The following SND1 variants were observed in gnomAD, a reference collection of about 807,000 sequenced individuals.
SND1 encodes the protein staphylococcal nuclease domain-containing protein 1.
In SND1, 38 loss-of-function variants were observed where a neutral mutation model predicts 121.7. The ratio of observed to expected loss-of-function variants is 0.31; its 90% CI spans 0.24 to 0.41. The LOEUF is 0.41. SND1 is among the 10% of genes least tolerant of loss of function. The pLI, the probability that SND1 is intolerant of heterozygous loss-of-function variation, is 1.00. For missense variants in SND1, 868 were observed against 1,184.6 expected (o/e 0.73, Z 3.92); for synonymous variants, 401 against 447.4 (o/e 0.90, Z 1.31).
At chr7:128,091,605 G>A (rs924854277) in intron 22 of SND1, among the ~76,000 whole-genome samples, 1 of 152,176 alleles carries the variant, frequency 6.6e-6, no homozygotes, top group South Asian at 2.1e-4. Flanking sequence ...CCAGGAGGAC[G>A]TGACCAGAGG....
rs189639788 is a variant in SND1 at position 128,018,553 on chromosome 7, G to A, written c.1779+27497G>A. 1.4e-4 allele frequency among the ~76,000 whole-genome samples: 21 copies of A among 152,326 alleles called. No homozygotes were observed. In the East Asian group the frequency reaches 1.9e-3, roughly 14 times the overall value. ...TCTGGCTGAGGAACATTACCCTGCCGCTCTGGCACTGCCCCAGAGCCAAGC... is the reference window on the plus strand; with the variant it reads ...TCTGGCTGAGGAACATTACCCTGCCACTCTGGCACTGCCCCAGAGCCAAGC... On this transcript the variant is annotated intron_variant, in intron 16 of 23. Transcript: ENST00000354725.
At chr7:127,865,534 A>G (rs1006854807) in intron 12 of SND1, among the ~76,000 whole-genome samples, 2 of 152,174 alleles carry the variant, frequency 1.3e-5, no homozygotes, top group African/African-American at 4.8e-5. Flanking sequence ...CAAACAAAAG[A>G]TTTAATTAAG....
At chr7:127,808,017 C>A (rs937113486) in intron 11 of SND1, among the ~76,000 whole-genome samples, 44 of 152,130 alleles carry the variant, frequency 2.9e-4, no homozygotes, top group African/African-American at 1.0e-3. Flanking sequence ...AAGAGCACGC[C>A]TATTGTAATG....
chr7:128,062,409 A>C (rs1793246355), intron 16 of SND1, among the ~76,000 whole-genome samples: 1 of 152,202 alleles, frequency 6.6e-6, no homozygotes, highest in Non-Finnish European at 1.5e-5. Context: ...AAAAGGAAAG[A>C]GAAGGGGCAA....
At chr7:127,711,626 T>A (rs1796299167) in intron 9 of SND1, among the ~76,000 whole-genome samples, 1 of 152,172 alleles carries the variant, frequency 6.6e-6, no homozygotes, top group Admixed American at 6.5e-5. Context: ...TTAGTTGTTT[T>A]GTTCTGAGAC....
chr7:127,746,504 A>G (rs1179503010), intron 10 of SND1, among the ~76,000 whole-genome samples: 3 of 152,206 alleles, frequency 2.0e-5, no homozygotes, highest in East Asian at 3.9e-4. Context: ...TAAATGAGAA[A>G]TCTTTTAGTA....
rs1289095272 is a variant in SND1 at position 127,759,057 on chromosome 7, AATAGATAGATAG to A, written c.1152+37690_1152+37701del. 1.3e-3 allele frequency among the ~76,000 whole-genome samples: 191 copies of A among 145,506 alleles called. 2 individuals carry two copies. Among genetic ancestry groups the A allele is most frequent in the East Asian group, 7.9e-3 (38 of 4,840 alleles). On this transcript the variant is annotated intron_variant, in intron 10 of 23. Transcript: ENST00000354725. The stretch of plus-strand genomic sequence containing the variant: ...CGACATAGCAAGATGCTGTCTCAAA[AATAGATAGATAG>A]ATAGATAGATAGATAGATAGATAGA...
intron 1 of SND1, among the ~76,000 whole-genome samples, chr7:127,683,832 A>G (rs767595678): frequency 1.8e-4 from 27 of 152,332 alleles, no homozygotes; most frequent in Admixed American, 9.1e-4. Flanking sequence ...GAGCCTGTAG[A>G]GTAAAAATCA....
intron 9 of SND1, among the ~76,000 whole-genome samples, chr7:127,709,511 C>G (rs1469021468): frequency 1.3e-5 from 2 of 152,162 alleles, no homozygotes; most frequent in Admixed American, 6.5e-5. Flanking sequence ...GGGGAGTTAA[C>G]TAAAGCACTG....
intron 1 of SND1, among the ~76,000 whole-genome samples, chr7:127,661,110 A>G (rs1795302153): frequency 6.6e-6 from 1 of 152,072 alleles, no homozygotes; most frequent in Non-Finnish European, 1.5e-5. Context: ...CCAGAATTTT[A>G]TGAGGGGAGG....
intron 16 of SND1, among the ~76,000 whole-genome samples, chr7:127,996,278 A>G (rs2116924583): frequency 6.6e-6 from 1 of 152,358 alleles, no homozygotes; most frequent in South Asian, 2.1e-4. Context: ...TGTCTGGGAA[A>G]TAAAACTTAG....
Position 127,704,846 on chromosome 7 carries a change from A to G in SND1, c.848A>G (p.Asn283Ser), listed in dbSNP as rs771065505. Residue 283 changes from asparagine to serine, a missense_variant, in exon 8 of 24, where the codon AAC becomes AGC. Asn to Ser is a conservative substitution (Grantham distance 46). Coordinates refer to ENST00000354725, the MANE Select transcript of SND1 (RefSeq NM_014390.4). ...ILGTILHPNG[N>S]ITELLLKEGF... ...ATGTACCTTGTTTTTCAGAATGGCA[A>G]CATCACAGAGCTCCTCCTGAAGGAA... The G allele has an allele frequency of 1.2e-6, 2 of 1,613,906 alleles. No homozygotes were observed. Among genetic ancestry groups the G allele is most frequent in the Non-Finnish European group, 1.7e-6 (2 of 1,179,826 alleles).
intron 15 of SND1, among the ~76,000 whole-genome samples, chr7:127,940,259 C>T (rs1475017966): frequency 2.0e-5 from 3 of 152,182 alleles, no homozygotes; most frequent in African/African-American, 7.2e-5. Flanking sequence ...TGCCTCAGTT[C>T]TAAGTCCCTT....
At chr7:127,914,757 G>A (rs934081794) in intron 14 of SND1, among the ~76,000 whole-genome samples, 1 of 152,202 alleles carries the variant, frequency 6.6e-6, no homozygotes, top group Non-Finnish European at 1.5e-5. Context: ...CTAGAATATA[G>A]TGGCAGTATG....
At chr7:127,870,702 G>C (rs1355811536) in intron 12 of SND1, among the ~76,000 whole-genome samples, 6 of 152,158 alleles carry the variant, frequency 3.9e-5, no homozygotes, top group Non-Finnish European at 7.4e-5. Context: ...AAGTTGCTTT[G>C]GGTGAATCAT....
intron 12 of SND1, among the ~76,000 whole-genome samples, chr7:127,871,235 A>G (rs1000329280): frequency 6.6e-6 from 1 of 152,196 alleles, no homozygotes; most frequent in Non-Finnish European, 1.5e-5. Flanking sequence ...AATTTCTTTA[A>G]GTGGAAGGCA....
At chr7:127,769,230 A>G (rs1797471389) in intron 10 of SND1, among the ~76,000 whole-genome samples, 1 of 151,806 alleles carries the variant, frequency 6.6e-6, no homozygotes, top group Admixed American at 6.5e-5. Flanking sequence ...CTCGAAGCCC[A>G]AAAGTATTAG....
At chr7:128,055,329 G>T (rs867382789) in intron 16 of SND1, among the ~76,000 whole-genome samples, 1 of 152,228 alleles carries the variant, frequency 6.6e-6, no homozygotes, top group African/African-American at 2.4e-5. Context: ...CCACCACAGG[G>T]ATCTAAAGGA....
In SND1 at chr7:128,092,022, A is replaced by C; in HGVS notation, c.2697A>C (p.Arg899=). The change falls in exon 24 of 24, where the codon CGA becomes CGC. Residue 899 remains arginine, a synonymous_variant. Transcript: ENST00000354725. The surrounding 1 kb of genome is among the most constrained non-coding windows in gnomAD (Gnocchi z 4.9). ...RLNLWRYGDF[R]ADDADEFGYS... is the part of the protein sequence containing the mutation. Reference sequence around the variant, plus strand: ...ACCTGTGGCGCTATGGAGACTTTCGAGCTGATGATGCAGACGAATTTGGCT... The same window carrying C: ...ACCTGTGGCGCTATGGAGACTTTCGCGCTGATGATGCAGACGAATTTGGCT... 1 of 1,613,972 alleles carries C rather than the reference A, an allele frequency of 6.2e-7. No individual in the cohort carries two copies. Among genetic ancestry groups the C allele is most frequent in the Non-Finnish European group, 8.5e-7 (1 of 1,179,932 alleles).
Sources: allele counts gnomAD v4.1 joint callset (sites outside exome capture counted in the v4.1 genomes callset), GRCh38; gene constraint gnomAD v4.1.1; non-coding constraint Gnocchi (gnomAD v3.1); transcripts MANE v1.5; gene names NCBI Gene and HGNC (gene_info 2026-07-23, HGNC 2026-07-21).